The following RNLS variants were observed in gnomAD, a reference collection of about 807,000 sequenced individuals.
RNLS encodes renalase.
Under a neutral mutation model 39.8 loss-of-function variants are expected in RNLS, and 39 were observed. That is an observed-to-expected ratio of 0.98 (90% CI 0.76 to 1.28). RNLS has a LOEUF of 1.28. RNLS is among the 50% of genes most tolerant of loss of function. The pLI is 0.00. For synonymous variants in RNLS, 147 were observed against 150.7 expected, an observed-to-expected ratio of 0.98 and a Z score of 0.18; for missense variants, 410 against 413.3, an observed-to-expected ratio of 0.99 and a Z score of 0.07.
chr10:88,456,892 T>C (rs1291609004), intron 4 of RNLS, among the ~76,000 whole-genome samples: 3 of 152,196 alleles, frequency 2.0e-5, no homozygotes, highest in Non-Finnish European at 4.4e-5. Context: ...ATTTAAAATG[T>C]TTTCTTCACG....
chr10:88,390,298 T>C (rs1204188163), intron 4 of RNLS, among the ~76,000 whole-genome samples: 1 of 152,198 alleles, frequency 6.6e-6, no homozygotes, highest in African/African-American at 2.4e-5. Context: ...TTTAGAACAT[T>C]GGACCAGCTC....
At chr10:88,495,592 C>T (rs1447444105) in intron 4 of RNLS, among the ~76,000 whole-genome samples, 1 of 151,916 alleles carries the variant, frequency 6.6e-6, no homozygotes, top group Non-Finnish European at 1.5e-5. Flanking sequence ...AAAGGGCTAC[C>T]AGTGGGGGAT....
At chr10:88,216,750 C>G in the RNLS span, among the ~76,000 whole-genome samples, 1 of 152,134 alleles carries the variant, frequency 6.6e-6, no homozygotes, top group East Asian at 1.9e-4. Context: ...GAAGAGGAAT[C>G]AAAGGAATAA....
At chr10:88,548,198 G>A (rs552790374) in intron 4 of RNLS, among the ~76,000 whole-genome samples, 4 of 141,270 alleles carry the variant, frequency 2.8e-5, no homozygotes, top group Non-Finnish European at 4.5e-5. Context: ...GGAGGCGGAG[G>A]TTGCAGTGAG....
At chr10:88,320,490 C>T (rs1441424478) in intron 5 of RNLS, among the ~76,000 whole-genome samples, 1 of 146,726 alleles carries the variant, frequency 6.8e-6, no homozygotes, top group Non-Finnish European at 1.5e-5. Flanking sequence ...ACCTGAGAAA[C>T]ACAGATTGGC....
exon 7 of RNLS, chr10:88,273,884 A>T (rs1036469696): frequency 6.6e-6 from 1 of 152,200 alleles, no homozygotes; most frequent in African/African-American, 2.4e-5. Flanking sequence ...ATAGTTTTTA[A>T]TTTGTATACT....
intron 6 of RNLS, among the ~76,000 whole-genome samples, chr10:88,276,271 A>C (rs1842811134): frequency 6.6e-6 from 1 of 152,026 alleles, no homozygotes; most frequent in South Asian, 2.1e-4. Context: ...TTGTTTTCTA[A>C]GAGTTTTAAA....
At chr10:88,351,228 G>C (rs150390870) in intron 5 of RNLS, among the ~76,000 whole-genome samples, 10,230 of 152,200 alleles carry the variant, frequency 0.067, 481 homozygotes, top group Admixed American at 0.13. Context: ...AAGCTCTTTA[G>C]TTTAATTAGA....
intron 4 of RNLS, among the ~76,000 whole-genome samples, chr10:88,538,170 G>A (rs10788606): frequency 0.41 from 61,717 of 151,926 alleles, 13,049 homozygotes; most frequent in African/African-American, 0.51. Flanking sequence ...TTGTGATTCC[G>A]AATGAAAGCA....
intron 4 of RNLS, among the ~76,000 whole-genome samples, chr10:88,386,282 C>T (rs1851850200): frequency 6.6e-6 from 1 of 152,116 alleles, no homozygotes; most frequent in African/African-American, 2.4e-5. Context: ...ATGGGTGGTA[C>T]TGTGCCATTA....
chr10:88,345,347 T>A (rs1208912303), intron 5 of RNLS, among the ~76,000 whole-genome samples: 1 of 152,130 alleles, frequency 6.6e-6, no homozygotes, highest in African/African-American at 2.4e-5. Flanking sequence ...TAGTGTAAAT[T>A]TTTTTTGGAA....
intron 4 of RNLS, among the ~76,000 whole-genome samples, chr10:88,382,170 C>T (rs998584182): frequency 1.3e-5 from 2 of 152,026 alleles, no homozygotes; most frequent in African/African-American, 4.8e-5. Flanking sequence ...ACTGTGACAT[C>T]TTATTTTTTA....
chr10:88,339,468 GAGACAAACTA>G (rs1476623847), intron 5 of RNLS, among the ~76,000 whole-genome samples: 1 of 152,064 alleles, frequency 6.6e-6, no homozygotes, highest in Non-Finnish European at 1.5e-5. Context: ...GTACGATTTG[GAGACAAACTA>G]AGCTCAGGTT....
rs1308301208 is a variant in RNLS at position 88,362,552 on chromosome 10, C to T, written c.700G>A (p.Glu234Lys). Residue 234 changes from glutamate (E) to lysine (K), a missense_variant and splice_region_variant, in exon 5 of 7, where the codon GAG (glutamate) becomes AAG (lysine). Glu to Lys is a moderately conservative substitution (Grantham distance 56). Transcript: ENST00000331772. ...VSIDNKKRNI[E>K]SSEIGPSLVI... Reference sequence around the variant, plus strand: ...TAAGGGAAATAATAGGGGTACTGACCTATATTGCGCTTCTTATTATCAATG... The same window carrying T: ...TAAGGGAAATAATAGGGGTACTGACTTATATTGCGCTTCTTATTATCAATG... 3 of 1,613,168 alleles carry T rather than the reference C, an allele frequency of 1.9e-6. No homozygotes were observed. In the Admixed American group the frequency reaches 5.0e-5, roughly 27 times the overall value.
chr10:88,278,220 A>C (rs951336967), intron 6 of RNLS, among the ~76,000 whole-genome samples: 14 of 152,008 alleles, frequency 9.2e-5, no homozygotes, highest in African/African-American at 2.9e-4. Context: ...GATGCTTGCC[A>C]ATTTTTTTTT....
intron 4 of RNLS, among the ~76,000 whole-genome samples, chr10:88,503,325 G>A (rs1243305632): frequency 1.3e-5 from 2 of 152,172 alleles, no homozygotes; most frequent in African/African-American, 4.8e-5. Context: ...AGATTGCAGT[G>A]AGCTGAGATT....
At chr10:88,322,279 TAACTAAA>T (rs1437361278) in intron 5 of RNLS, among the ~76,000 whole-genome samples, 1 of 152,110 alleles carries the variant, frequency 6.6e-6, no homozygotes, top group African/African-American at 2.4e-5. Flanking sequence ...CAAAGGAACT[TAACTAAA>T]AATAATAAGA....
chr10:88,487,214 G>A (rs1844581024), intron 4 of RNLS, among the ~76,000 whole-genome samples: 1 of 152,164 alleles, frequency 6.6e-6, no homozygotes, highest in South Asian at 2.1e-4. Flanking sequence ...AGTAGAAGGT[G>A]GGAGGAGCGA....
At chr10:88,491,297 C>G (rs1417770618) in intron 4 of RNLS, among the ~76,000 whole-genome samples, 1 of 152,162 alleles carries the variant, frequency 6.6e-6, no homozygotes, top group Non-Finnish European at 1.5e-5. Context: ...CAGTAAGATG[C>G]ACACATTATT....
Sources: allele counts gnomAD v4.1 joint callset (sites outside exome capture counted in the v4.1 genomes callset), GRCh38; gene constraint gnomAD v4.1.1; transcripts MANE v1.5; gene names NCBI Gene and HGNC (gene_info 2026-07-23, HGNC 2026-07-21).